Variants in ZNF423 observed in about 807,000 individuals in gnomAD.
ZNF423 encodes zinc finger protein 423.
Under a neutral mutation model 95.8 loss-of-function variants are expected in ZNF423, and 12 were observed. That is an observed-to-expected ratio of 0.13 (90% confidence interval 0.08 to 0.20). The LOEUF (loss-of-function observed/expected upper bound fraction) is 0.20, where lower values mean the gene tolerates loss of function less well. Among genes scored for constraint, ZNF423 ranks in the 10% least tolerant of loss-of-function variants. The probability of loss-of-function intolerance (pLI) is 1.00; values close to 1 mark genes in which losing one functional copy is unlikely to be tolerated. For synonymous variants in ZNF423, 749 were observed against 711.9 expected, an observed-to-expected ratio of 1.05 and a Z score of -0.83; for missense variants, 1,316 against 1,737.1, an observed-to-expected ratio of 0.76 and a Z score of 4.31.
At chr16:49,561,173 C>T (rs948781677) in intron 5 of ZNF423, among the ~76,000 whole-genome samples, 5 of 152,178 alleles carry the variant, frequency 3.3e-5, no homozygotes, top group Non-Finnish European at 1.5e-5. Context: ...GCCAACTGTG[C>T]GTTTCTCTTC....
chr16:49,665,408 T>C (rs2030488653), intron 3 of ZNF423, among the ~76,000 whole-genome samples: 1 of 151,996 alleles, frequency 6.6e-6, no homozygotes, highest in Non-Finnish European at 1.5e-5. Flanking sequence ...CTGTGTTTGC[T>C]AGGAGAAGTG....
At chr16:49,678,786 G>A (rs1490940704) in intron 3 of ZNF423, among the ~76,000 whole-genome samples, 2 of 152,176 alleles carry the variant, frequency 1.3e-5, no homozygotes, top group African/African-American at 4.8e-5. Flanking sequence ...TTGTGCCCTG[G>A]GGTGCCACAG....
At chr16:49,745,366 A>C (rs998270301) in intron 2 of ZNF423, among the ~76,000 whole-genome samples, 12 of 152,218 alleles carry the variant, frequency 7.9e-5, no homozygotes, top group African/African-American at 2.9e-4. Context: ...ACAGAAATGC[A>C]TTCAGGGGCA....
chr16:49,698,615 T>G lies in ZNF423; in HGVS notation c.301+32156A>C, dbSNP rs964838323. ...TGTTCCAGGCCCTCAGCCCCTCACT[T>G]TATCTGCTCGCACAGACCTCGGCCT... On this transcript the variant is annotated intron_variant, in intron 3 of 7. Transcript: ENST00000563137. Among the ~76,000 whole-genome samples, 8 of 152,234 alleles carry G rather than the reference T, an allele frequency of 5.3e-5. No individual in the cohort carries two copies. In the South Asian group the frequency reaches 1.7e-3, roughly 32 times the overall value.
chr16:49,664,929 C>T lies in ZNF423; in HGVS notation c.302-26055G>A, dbSNP rs1008306475. 3.9e-5 allele frequency among the ~76,000 whole-genome samples: 6 copies of T among 152,354 alleles called. No individual in the cohort carries two copies. The East Asian group carries it at 1.2e-3, about 29-fold the overall frequency. On this transcript the variant is annotated intron_variant, in intron 3 of 7. Coordinates refer to ENST00000563137, the MANE Select transcript of ZNF423 (RefSeq NM_001379286.1). Reference sequence around the variant, plus strand: ...TGCTCTGAACGCCCCTCATTGTGGGCACATTGTACTCCCAAGGCCTGCTTG... The same window carrying T: ...TGCTCTGAACGCCCCTCATTGTGGGTACATTGTACTCCCAAGGCCTGCTTG...
Position 49,638,960 on chromosome 16 carries a change from G to A in ZNF423, c.302-86C>T, listed in dbSNP as rs556030693. On this transcript the variant is annotated intron_variant, in intron 3 of 7. Transcript: ENST00000563137. This position sits in a 1 kb window ranked among gnomAD's most constrained non-coding sequence, Gnocchi z 5.6. The stretch of plus-strand genomic sequence containing the variant: ...CAGAGCCAGCTTCTCGACAGCACGC[G>A]GGCTGAGGCTGTGCAGCTGGCCAAC... 10 of 1,476,262 alleles carry A rather than the reference G, an allele frequency of 6.8e-6. No homozygotes were observed. The highest frequency in any genetic ancestry group is 4.9e-5 in the East Asian group (2 of 41,076). 91.4% of individuals were successfully genotyped at this position (1,476,262 alleles called of 1,614,324 possible). A position where few individuals can be genotyped will look rare whatever the true frequency, so the allele number is the denominator to read the frequency against.
intron 7 of ZNF423, among the ~76,000 whole-genome samples, chr16:49,510,044 G>A (rs530227484): frequency 2.0e-4 from 31 of 152,360 alleles, no homozygotes; most frequent in East Asian, 1.5e-3. Context: ...CTTACCAGCC[G>A]TGGGACACGA....
chr16:49,646,368 C>A lies in ZNF423; in HGVS notation c.302-7494G>T, dbSNP rs192631916. On this transcript the variant is annotated intron_variant, in intron 3 of 7. Coordinates refer to ENST00000563137, the MANE Select transcript of ZNF423 (RefSeq NM_001379286.1). ...GGAAACCAGGGGTACTTGCACACACCTGATGCCAGAACTAGCCATCCATCC... is the reference window on the plus strand; with the variant it reads ...GGAAACCAGGGGTACTTGCACACACATGATGCCAGAACTAGCCATCCATCC... Among the ~76,000 whole-genome samples the A allele has an allele frequency of 2.2e-4, 33 of 152,218 alleles. No individual in the cohort carries two copies. In the East Asian group the frequency reaches 5.6e-3, roughly 26 times the overall value.
chr16:49,824,210 T>C (rs754075372), intron 1 of ZNF423, among the ~76,000 whole-genome samples: 1 of 152,136 alleles, frequency 6.6e-6, no homozygotes, highest in Non-Finnish European at 1.5e-5. Flanking sequence ...AAGAGACTTC[T>C]AAGCCCACAG....
intron 1 of ZNF423, among the ~76,000 whole-genome samples, chr16:49,802,897 G>C (rs1047246827): frequency 6.6e-6 from 1 of 152,130 alleles, no homozygotes; most frequent in Non-Finnish European, 1.5e-5. Context: ...ATTAAAAACA[G>C]GTAGTGCTCT....
intron 2 of ZNF423, among the ~76,000 whole-genome samples, chr16:49,754,256 T>C (rs1037822806): frequency 2.0e-5 from 3 of 152,162 alleles, no homozygotes; most frequent in Admixed American, 1.3e-4. Flanking sequence ...CATTTATCAG[T>C]TCCCTCCTGC....
At chr16:49,687,687 G>A (rs527557382) in intron 3 of ZNF423, among the ~76,000 whole-genome samples, 3 of 152,288 alleles carry the variant, frequency 2.0e-5, no homozygotes, top group East Asian at 3.9e-4. Context: ...TGCATCCTCC[G>A]AGTCATGTGG....
chr16:49,739,363 C>T (rs1410826476), intron 2 of ZNF423, among the ~76,000 whole-genome samples: 1 of 152,138 alleles, frequency 6.6e-6, no homozygotes, highest in Admixed American at 6.5e-5. Flanking sequence ...TCACATGCTC[C>T]TGAGGATGCA....
At chr16:49,516,427 G>C (rs1473862925) in intron 7 of ZNF423, among the ~76,000 whole-genome samples, 1 of 152,236 alleles carries the variant, frequency 6.6e-6, no homozygotes, top group Non-Finnish European at 1.5e-5. Context: ...TACATGCTCT[G>C]TGTGCCAGCC....
At chr16:49,607,302 T>A (rs1026701951) in intron 5 of ZNF423, among the ~76,000 whole-genome samples, 2 of 150,482 alleles carry the variant, frequency 1.3e-5, no homozygotes, top group Non-Finnish European at 2.9e-5. Flanking sequence ...GAATTCAGAG[T>A]TCATAAACAT....
intron 3 of ZNF423, among the ~76,000 whole-genome samples, chr16:49,646,574 C>CCTTTTTTTTTTTTTTTTTTTTTTTTTTTT (rs1973178540): frequency 8.5e-6 from 1 of 118,010 alleles, no homozygotes; most frequent in Non-Finnish European, 1.9e-5. Context: ...TTTTCTTTTT[C>CCTTTTTTTTTTTTTTTTTTTTTTTTTTTT]TTTTTTTTTT....
At chr16:49,793,169 A>G (rs1300307946) in intron 1 of ZNF423, among the ~76,000 whole-genome samples, 1 of 150,456 alleles carries the variant, frequency 6.6e-6, no homozygotes, top group Non-Finnish European at 1.5e-5. Flanking sequence ...TTCTCCCCAC[A>G]GCTGCACTCT....
At chr16:49,803,052 C>T (rs1172876737) in intron 1 of ZNF423, among the ~76,000 whole-genome samples, 1 of 151,870 alleles carries the variant, frequency 6.6e-6, no homozygotes, top group Admixed American at 6.6e-5. Flanking sequence ...GCCAGGAGTT[C>T]GAGACCAGCC....
chr16:49,774,372 C>T (rs2034085839), intron 2 of ZNF423, among the ~76,000 whole-genome samples: 1 of 152,084 alleles, frequency 6.6e-6, no homozygotes, highest in South Asian at 2.1e-4. Flanking sequence ...CACTGGCAGG[C>T]CTAACTGGGG....
Sources: gnomAD v4.1 joint callset for allele counts (sites outside exome capture counted in the v4.1 genomes callset) on GRCh38, gnomAD v4.1.1 for gene constraint, Gnocchi (gnomAD v3.1) non-coding constraint, MANE v1.5 for transcripts, NCBI Gene and HGNC (gene_info 2026-07-23, HGNC 2026-07-21) for gene names.